Variants in CFH observed in about 807,000 individuals in gnomAD.
CFH encodes the protein H factor 1 (complement).
CFH carries 53 observed loss-of-function variants against 147.3 expected under a neutral mutation model. That is an observed-to-expected ratio of 0.36 (90% CI 0.29 to 0.45). The LOEUF (loss-of-function observed/expected upper bound fraction) is 0.45, where lower values mean the gene tolerates loss of function less well. Among genes scored for constraint, CFH ranks in the 20% least tolerant of loss-of-function variants. CFH has a pLI of 1.00. For missense variants in CFH, 1,380 were observed against 1,498.0 expected (o/e 0.92, Z 1.30); for synonymous variants, 536 against 489.4 (o/e 1.10, Z -1.26).
In CFH at chr1:196,673,152, G is replaced by C. The variant is rs758081247; in HGVS notation, c.233G>C (p.Arg78Thr). 1 of 1,612,862 alleles carries C rather than the reference G, an allele frequency of 6.2e-7. No homozygotes were observed. Among genetic ancestry groups the C allele is most frequent in the Non-Finnish European group, 8.5e-7 (1 of 1,179,120 alleles). The change falls in exon 2 of 22, where the codon AGG (arginine) becomes ACG (threonine). Residue 78 changes from arginine to threonine, a missense_variant. Physicochemically the swap from Arg to Thr is moderately conservative, Grantham distance 71. Transcript: ENST00000367429. The part of the protein sequence containing the change: ...KGEWVALNPL[R>T]KCQKRPCGHP... ...GAATGGGTTGCTCTTAATCCATTAA[G>C]GAAATGTCAGAGTAAGTACTTAATA...
intron 15 of CFH, among the ~76,000 whole-genome samples, chr1:196,733,351 C>T (rs1479960646): frequency 6.6e-6 from 1 of 151,990 alleles, no homozygotes; most frequent in Admixed American, 6.6e-5. Flanking sequence ...TGGCATAGCG[C>T]CTGGAGTTTT....
chr1:196,683,704 C>A (rs16840422), intron 6 of CFH, among the ~76,000 whole-genome samples: 1 of 151,552 alleles, frequency 6.6e-6, no homozygotes, highest in African/African-American at 2.4e-5. Flanking sequence ...CACTTTACCA[C>A]TGAAGACTAA....
intron 9 of CFH, among the ~76,000 whole-genome samples, chr1:196,690,901 A>G (rs548084100): frequency 3.5e-4 from 53 of 152,114 alleles, no homozygotes; most frequent in Non-Finnish European, 5.6e-4. Flanking sequence ...CGTGGCTGGC[A>G]AAGAGAAAGG....
At chr1:196,693,507 G>C (rs1192090807) in intron 9 of CFH, among the ~76,000 whole-genome samples, 1 of 152,076 alleles carries the variant, frequency 6.6e-6, no homozygotes, top group Non-Finnish European at 1.5e-5. Flanking sequence ...TAAAACCCAA[G>C]TAGACTATGT....
chr1:196,701,830 G>A (rs993430620), intron 9 of CFH, among the ~76,000 whole-genome samples: 1 of 151,968 alleles, frequency 6.6e-6, no homozygotes, highest in African/African-American at 2.4e-5. Context: ...AAATTGAAAG[G>A]CCTTTGTCTA....
At chr1:196,677,736 A>G in intron 5 of CFH, 69 bp downstream of exon 5, 2 of 1,385,586 alleles carry the variant, frequency 1.4e-6, no homozygotes, top group Non-Finnish European at 2.1e-6. Context: ...AACATCGTTC[A>G]TTCTAAGGAA....
At position 196,745,863 on chromosome 1, in the gene CFH, C is replaced by G. The variant is rs1408795010; in HGVS notation, c.3357C>G (p.Asp1119Glu). 2.5e-6 allele frequency: 4 copies of G among 1,614,000 alleles called. No individual in the cohort carries two copies. Among genetic ancestry groups the G allele is most frequent in the African/African-American group, 1.3e-5 (1 of 74,908 alleles). Reference protein sequence around the residue: ...CGPPPPIDNGDITSFPLSVYA... With the variant: ...CGPPPPIDNGEITSFPLSVYA... ...CCCCTCCACCTATTGACAATGGGGA[C>G]ATTACTTCATTCCCGTTGTCAGTAT... The change falls in exon 21 of 22, where the codon GAC (aspartate) becomes GAG (glutamate). Residue 1119 changes from aspartate to glutamate, a missense_variant. This residue lies in a region of CFH where 123 missense variants were observed against 185.3 expected (regional missense o/e 0.66). Transcript: ENST00000367429.
chr1:196,700,653 C>CAAA (rs550520235), intron 9 of CFH, among the ~76,000 whole-genome samples: 2 of 96,450 alleles, frequency 2.1e-5, no homozygotes, highest in Non-Finnish European at 4.5e-5. Flanking sequence ...GATTCCGTCT[C>CAAA]AAAAAAAAAA....
chr1:196,740,514 G>T, intron 17 of CFH, 105 bp from the exon 18 acceptor site: 1 of 1,088,308 alleles, frequency 9.2e-7, no homozygotes, highest in Non-Finnish European at 1.3e-6. Flanking sequence ...TGTCATAGTA[G>T]CTCCTGTATT....
intron 9 of CFH, among the ~76,000 whole-genome samples, chr1:196,696,011 TTGTC>T (rs763414869): frequency 1.8e-4 from 28 of 152,094 alleles, no homozygotes; most frequent in Admixed American, 2.0e-4. Context: ...TCTTGCCTGA[TTGTC>T]TGGTCCAAAA....
At position 196,677,507 on chromosome 1, in the gene CFH, G is replaced by T; in HGVS notation, c.459G>T (p.Glu153Asp). The T allele has an allele frequency of 6.2e-7, 1 of 1,613,104 alleles. No homozygotes were observed. The highest frequency in any genetic ancestry group is 8.5e-7 in the Non-Finnish European group (1 of 1,179,382). The change falls in exon 5 of 22, where the codon GAG (glutamate) becomes GAT (aspartate). Residue 153 changes from glutamate (E) to aspartate (D), a missense_variant. This residue lies in a region of CFH where 260 missense variants were observed against 263.3 expected (regional missense o/e 0.99). Coordinates refer to ENST00000367429, the MANE Select transcript of CFH (RefSeq NM_000186.4). Reference sequence around the variant, plus strand: ...AGTGTTTACCAGTGACAGCACCAGAGAATGGAAAAATTGTCAGTAGTGCAA... The same window carrying T: ...AGTGTTTACCAGTGACAGCACCAGATAATGGAAAAATTGTCAGTAGTGCAA... ...VVKCLPVTAPENGKIVSSAME... is the reference protein window; with the variant it reads ...VVKCLPVTAPDNGKIVSSAME...
rs753849523 is a variant in CFH, at chr1:196,673,904, C to A, written c.292C>A (p.Leu98Ile). ...PGDTPFGTFT[L>I]TGGNVFEYGV... ...AGATACTCCTTTTGGTACTTTTACC[C>A]TTACAGGAGGAAATGTGTTTGAATA... The change falls in exon 3 of 22, where the codon CTT becomes ATT. Residue 98 changes from leucine to isoleucine, a missense_variant. Physicochemically the swap from Leu to Ile is conservative, Grantham distance 5. Coordinates refer to ENST00000367429, the MANE Select transcript of CFH (RefSeq NM_000186.4). 2 of 1,613,560 alleles carry A rather than the reference C, an allele frequency of 1.2e-6. No individual in the cohort carries two copies. Among genetic ancestry groups the A allele is most frequent in the East Asian group, 4.5e-5 (2 of 44,764 alleles).
At chr1:196,682,066 CAT>C (rs1209870598) in intron 6 of CFH, among the ~76,000 whole-genome samples, 3 of 151,860 alleles carry the variant, frequency 2.0e-5, no homozygotes, top group African/African-American at 7.2e-5. Context: ...ATGGCACACA[CAT>C]GTCAGAGGAC....
rs1343230501 is a variant in CFH, at chr1:196,677,947, G to C, written c.619+280G>C. 3 of 398,122 alleles carry C rather than the reference G, an allele frequency of 7.5e-6. No homozygotes were observed. In the East Asian group the frequency reaches 1.7e-4, roughly 23 times the overall value. 24.7% of individuals were successfully genotyped at this position (398,122 alleles called of 1,614,324 possible). On this transcript the variant is annotated intron_variant, in intron 5 of 21. Transcript: ENST00000367429. ...GCCCTGGATTATCATGGCATAAAGA[G>C]TCAAGTTAGGATTTAAATGTAGGTT... is the stretch of plus-strand genomic sequence containing the variant.
At chr1:196,707,441 C>T (rs1413219509) in intron 9 of CFH, among the ~76,000 whole-genome samples, 1 of 152,146 alleles carries the variant, frequency 6.6e-6, no homozygotes. Flanking sequence ...ATTGTGGTAT[C>T]CAACTGACAT....
chr1:196,700,626 C>T (rs1424737039), intron 9 of CFH, among the ~76,000 whole-genome samples: 1 of 149,498 alleles, frequency 6.7e-6, no homozygotes, highest in East Asian at 2.0e-4. Flanking sequence ...TGCACTCCAT[C>T]CTGGGAGACA....
chr1:196,692,515 T>A (rs1177657909), intron 9 of CFH: 1 of 116,272 alleles, frequency 8.6e-6, no homozygotes, highest in African/African-American at 5.4e-5. Flanking sequence ...CTTTCTTTCC[T>A]TCCTTCCTTC....
chr1:196,667,599 A>T (rs79924555), intron 1 of CFH, among the ~76,000 whole-genome samples: 2,299 of 152,244 alleles, frequency 0.015, 66 homozygotes, highest in African/African-American at 0.052. Context: ...AGTAATCATC[A>T]TATATTTGAG....
intron 6 of CFH, among the ~76,000 whole-genome samples, chr1:196,680,690 C>T (rs1667619142): frequency 6.6e-6 from 1 of 151,798 alleles, no homozygotes; most frequent in South Asian, 2.1e-4. Context: ...AAGGGTGATA[C>T]TGCCATACTG....
Sources: allele counts gnomAD v4.1 joint callset (sites outside exome capture counted in the v4.1 genomes callset), GRCh38; gene constraint gnomAD v4.1.1; regional missense constraint gnomAD v4.1.1; transcripts MANE v1.5; gene names NCBI Gene and HGNC (gene_info 2026-07-23, HGNC 2026-07-21).